IRAK3: variants seen among roughly 807,000 people sequenced by gnomAD.
The protein encoded by IRAK3 is interleukin 1 receptor associated kinase 3, also known as interleukin-1 receptor-associated kinase 3.
Under a neutral mutation model 56.6 loss-of-function variants are expected in IRAK3, and 57 were observed. That is an observed-to-expected ratio of 1.01 (90% CI 0.81 to 1.26). The LOEUF (loss-of-function observed/expected upper bound fraction) is 1.26, where lower values mean the gene tolerates loss of function less well. Ranked by LOEUF, IRAK3 falls within the 50% of genes most tolerant of loss-of-function variation. IRAK3 has a pLI of 0.00. For synonymous variants in IRAK3, 258 were observed against 255.7 expected (o/e 1.01, Z -0.09); for missense variants, 703 against 719.0 (o/e 0.98, Z 0.25).
chr12:66,204,790 A>AGTG (rs1565800596), intron 2 of IRAK3, among the ~76,000 whole-genome samples: 4 of 145,114 alleles, frequency 2.8e-5, no homozygotes, highest in African/African-American at 8.0e-5. Flanking sequence ...ACACACACAC[A>AGTG]CACACACACA....
intron 1 of IRAK3, among the ~76,000 whole-genome samples, chr12:66,199,116 ATATT>A (rs1248413527): frequency 6.6e-6 from 1 of 152,158 alleles, no homozygotes; most frequent in Non-Finnish European, 1.5e-5. Context: ...CTGAAATTTG[ATATT>A]TAGAGTTCTC....
chr12:66,218,197 T>C (rs2052697088), intron 6 of IRAK3, among the ~76,000 whole-genome samples: 2 of 152,156 alleles, frequency 1.3e-5, no homozygotes, highest in South Asian at 2.1e-4. Context: ...TAGGCAAATA[T>C]GTATTTTGTT....
Position 66,250,635 on chromosome 12 carries a change from T to G in IRAK3, c.*2464T>G, listed in dbSNP as rs192683341. 6.6e-6 allele frequency: 1 copy of G among 152,258 alleles called. No homozygotes were observed. The highest frequency in any genetic ancestry group is 6.5e-5 in the Admixed American group (1 of 15,288). The allele number at this position is 152,258 out of a possible 1,614,324, so 9.4% of individuals were successfully genotyped here. A position where few individuals can be genotyped will look rare whatever the true frequency, so the allele number is the denominator to read the frequency against. On this transcript the variant is annotated 3_prime_UTR_variant, in exon 12 of 12. Transcript: ENST00000261233. ...GTTAAACTGTTTTTCACTTAGAATA[T>G]GGACCCCCACCAATACATTCAATGA...
At chr12:66,222,493 G>C (rs1367587506) in intron 6 of IRAK3, among the ~76,000 whole-genome samples, 1 of 151,732 alleles carries the variant, frequency 6.6e-6, no homozygotes, top group African/African-American at 2.4e-5. Flanking sequence ...ATGATCCTTA[G>C]TGTTTCTGTG....
chr12:66,222,316 T>C (rs1274892152), intron 6 of IRAK3, among the ~76,000 whole-genome samples: 2 of 152,172 alleles, frequency 1.3e-5, no homozygotes, highest in African/African-American at 2.4e-5. Context: ...CTTTTCTTCG[T>C]TGGGAGGTTT....
In IRAK3 at chr12:66,244,980, A is replaced by G. The variant is rs757074263; in HGVS notation, c.1119A>G (p.Val373=). 3 of 1,613,026 alleles carry G rather than the reference A, an allele frequency of 1.9e-6. No homozygotes were observed. In the South Asian group the frequency reaches 3.3e-5, roughly 18 times the overall value. ...VIMEVLTGCR[V]VLDDPKHIQL... ...TGGAAGTTCTAACAGGATGTAGAGT[A>G]GTGTTAGATGATCCAAAACATATCC... Residue 373 remains valine (V), a synonymous_variant, in exon 10 of 12, where the codon GTA becomes GTG. Transcript: ENST00000261233.
intron 2 of IRAK3, among the ~76,000 whole-genome samples, chr12:66,206,798 T>G (rs764443941): frequency 1.3e-5 from 2 of 152,244 alleles, no homozygotes; most frequent in Non-Finnish European, 2.9e-5. Flanking sequence ...TTAATCTTCT[T>G]TAAATGTTTG....
At chr12:66,200,282 G>A (rs962613422) in intron 1 of IRAK3, among the ~76,000 whole-genome samples, 1 of 152,200 alleles carries the variant, frequency 6.6e-6, no homozygotes, top group Non-Finnish European at 1.5e-5. Context: ...GTTTAACATA[G>A]CAGAGGCTTA....
chr12:66,220,289 A>G (rs986844235), intron 6 of IRAK3, among the ~76,000 whole-genome samples: 9 of 152,036 alleles, frequency 5.9e-5, no homozygotes, highest in African/African-American at 1.9e-4. Flanking sequence ...TCCCAACACC[A>G]TTTATTGAAG....
rs141358512 is a variant in IRAK3 at position 66,193,626 on chromosome 12, C to CATTTTTGATGACTTTGACA, written c.133+4194_133+4195insATTTTTGATGACTTTGACA. 1.3e-3 allele frequency among the ~76,000 whole-genome samples: 203 copies of CATTTTTGATGACTTTGACA among 151,918 alleles called. 2 individuals are homozygous for CATTTTTGATGACTTTGACA. In the East Asian group the frequency reaches 0.031, roughly 23 times the overall value. ...CTGTGATGGTTTCTCAGACTTTCCT[C>CATTTTTGATGACTTTGACA]GTTTTGAGGAGTATTGGTTGGAACT... On this transcript the variant is annotated intron_variant, in intron 1 of 11. Transcript: ENST00000261233.
At chr12:66,238,401 T>A (rs942597074) in intron 8 of IRAK3, among the ~76,000 whole-genome samples, 14 of 152,218 alleles carry the variant, frequency 9.2e-5, no homozygotes, top group African/African-American at 3.4e-4. Context: ...AGGAGAAAGC[T>A]GAGGCTTACA....
chr12:66,189,485 GGCCCGCTCGGCGTC>G, intron 1 of IRAK3, 53 bp downstream of exon 1: 1 of 1,105,588 alleles, frequency 9.0e-7, no homozygotes. Context: ...CGCGCCGCGG[GGCCCGCTCGGCGTC>G]GCCCTGCATG....
intron 6 of IRAK3, among the ~76,000 whole-genome samples, chr12:66,221,374 T>C (rs2052731953): frequency 1.3e-5 from 2 of 152,208 alleles, no homozygotes; most frequent in South Asian, 2.1e-4. Context: ...CTAATTGCTC[T>C]GGCTAGGACT....
intron 5 of IRAK3, among the ~76,000 whole-genome samples, chr12:66,215,785 T>TGCACGTGCACATGCGCGCGCGC (rs150339586): frequency 3.2e-5 from 1 of 31,176 alleles, no homozygotes; most frequent in African/African-American, 1.3e-4. Context: ...TAACCCAACA[T>TGCACGTGCACATGCGCGCGCGC]GCACACACAC....
intron 5 of IRAK3, among the ~76,000 whole-genome samples, chr12:66,215,786 G>GCGCACACACACA (rs1555203499): frequency 2.4e-5 from 3 of 122,834 alleles, no homozygotes; most frequent in African/African-American, 9.3e-5. Context: ...AACCCAACAT[G>GCGCACACACACA]CACACACACA....
At chr12:66,198,510 G>A (rs1470120984) in intron 1 of IRAK3, among the ~76,000 whole-genome samples, 1 of 152,092 alleles carries the variant, frequency 6.6e-6, no homozygotes, top group Non-Finnish European at 1.5e-5. Context: ...GTGGTATTTG[G>A]TTACCCTTCC....
chr12:66,210,867 G>T lies in IRAK3; in HGVS notation c.437-579G>T, dbSNP rs1023452415. On this transcript the variant is annotated intron_variant, in intron 4 of 11. Transcript: ENST00000261233. ...GCTATGGAAATATAGCCAAAGTTGG[G>T]TTCTGAAGGACATAGCCAAACTTTT... Among the ~76,000 whole-genome samples the T allele has an allele frequency of 2.6e-5, 4 of 152,138 alleles. No homozygotes were observed. In the East Asian group the frequency reaches 7.7e-4, roughly 29 times the overall value.
At chr12:66,197,049 C>A in intron 1 of IRAK3, 1 of 1,463,584 alleles carries the variant, frequency 6.8e-7, no homozygotes, top group South Asian at 1.4e-5. Context: ...TGAAAACAGT[C>A]AGTCCTGCAC....
At chr12:66,194,569 G>T (rs61927092) in intron 1 of IRAK3, among the ~76,000 whole-genome samples, 1 of 151,980 alleles carries the variant, frequency 6.6e-6, no homozygotes, top group Non-Finnish European at 1.5e-5. Flanking sequence ...GGTTCACGCC[G>T]GTAATCCCAG....
Sources: allele counts gnomAD v4.1 joint callset (sites outside exome capture counted in the v4.1 genomes callset), GRCh38; gene constraint gnomAD v4.1.1; transcripts MANE v1.5; gene names NCBI Gene and HGNC (gene_info 2026-07-23, HGNC 2026-07-21).